Variants in KCNIP4 observed in about 807,000 individuals in gnomAD.
KCNIP4 encodes the protein potassium voltage-gated channel interacting protein 4, also known as Kv channel-interacting protein 4.
KCNIP4 carries 12 observed loss-of-function variants against 34.0 expected under a neutral mutation model. The ratio of observed to expected loss-of-function variants is 0.35; its 90% confidence interval spans 0.23 to 0.57. The LOEUF (loss-of-function observed/expected upper bound fraction) is 0.57, where lower values mean the gene tolerates loss of function less well. Ranked by LOEUF, KCNIP4 falls within the 20% of genes least tolerant of loss-of-function variation. The pLI is 0.83. For missense variants in KCNIP4, 238 were observed against 311.7 expected (o/e 0.76, Z 1.78); for synonymous variants, 124 against 102.2 (o/e 1.21, Z -1.29).
At chr4:21,305,223 C>T (rs1712322983) in intron 1 of KCNIP4, among the ~76,000 whole-genome samples, 1 of 152,128 alleles carries the variant, frequency 6.6e-6, no homozygotes, top group African/African-American at 2.4e-5. Context: ...AGAATGAAGG[C>T]ATCCTTCACT....
chr4:21,634,552 C>T (rs948311779), intron 1 of KCNIP4, among the ~76,000 whole-genome samples: 1 of 151,846 alleles, frequency 6.6e-6, no homozygotes, highest in African/African-American at 2.4e-5. Flanking sequence ...CCACAGTGAA[C>T]ATGATAAAGA....
At chr4:21,030,003 A>G (rs1444757528) in intron 1 of KCNIP4, among the ~76,000 whole-genome samples, 1 of 152,220 alleles carries the variant, frequency 6.6e-6, no homozygotes, top group Non-Finnish European at 1.5e-5. Flanking sequence ...TTAAAAAAAT[A>G]GTTCAGTTGG....
At chr4:20,753,611 G>A (rs900197821) in intron 4 of KCNIP4, among the ~76,000 whole-genome samples, 1 of 152,078 alleles carries the variant, frequency 6.6e-6, no homozygotes, top group Non-Finnish European at 1.5e-5. Context: ...TTGAATTCAA[G>A]CACGAGGAAT....
At chr4:21,817,736 C>A (rs1196679933) in intron 1 of KCNIP4, among the ~76,000 whole-genome samples, 1 of 152,130 alleles carries the variant, frequency 6.6e-6, no homozygotes, top group African/African-American at 2.4e-5. Flanking sequence ...GCAGTACCCT[C>A]AGGCTTACTA....
chr4:21,516,843 G>A (rs191127846), intron 1 of KCNIP4, among the ~76,000 whole-genome samples: 4 of 152,250 alleles, frequency 2.6e-5, no homozygotes, highest in South Asian at 2.1e-4. Flanking sequence ...TTAGGAACAC[G>A]AAATTCTATC....
At chr4:21,770,629 T>G (rs1718716852) in intron 1 of KCNIP4, among the ~76,000 whole-genome samples, 1 of 152,148 alleles carries the variant, frequency 6.6e-6, no homozygotes, top group African/African-American at 2.4e-5. Context: ...TCCTGACTTT[T>G]TAATTACCGC....
chr4:21,037,333 T>C (rs1741541247), intron 1 of KCNIP4, among the ~76,000 whole-genome samples: 1 of 152,194 alleles, frequency 6.6e-6, no homozygotes, highest in South Asian at 2.1e-4. Flanking sequence ...CAACTTCCAG[T>C]CCTGCAAGCT....
chr4:21,850,269 T>C (rs1724292953), intron 1 of KCNIP4: 1 of 152,106 alleles, frequency 6.6e-6, no homozygotes. Flanking sequence ...GAGACACTAA[T>C]GAAAAATGTA....
chr4:21,660,062 C>T (rs1020480829), intron 1 of KCNIP4, among the ~76,000 whole-genome samples: 1 of 152,144 alleles, frequency 6.6e-6, no homozygotes, highest in Non-Finnish European at 1.5e-5. Context: ...GCTCCTATAT[C>T]CTATCTATCA....
intron 1 of KCNIP4, among the ~76,000 whole-genome samples, chr4:21,932,395 A>G (rs1729621065): frequency 2.0e-5 from 3 of 152,120 alleles, no homozygotes; most frequent in Admixed American, 2.0e-4. Flanking sequence ...TGAATAGTTA[A>G]TAAGAGATTG....
rs533682485 is a variant in KCNIP4, at chr4:21,153,026, T to C, written c.62-270317A>G. On this transcript the variant is annotated intron_variant, in intron 1 of 8. Transcript: ENST00000382152. ...ATTTTACAATGGCTGTGAATGGTCA[T>C]CATTGATTCAACTATTCCTTACTTG... Among the ~76,000 whole-genome samples, 10 of 152,320 alleles carry C rather than the reference T, an allele frequency of 6.6e-5. No individual in the cohort carries two copies. In the East Asian group the frequency reaches 1.7e-3, roughly 26 times the overall value.
intron 1 of KCNIP4, among the ~76,000 whole-genome samples, chr4:20,895,695 C>A (rs1366002748): frequency 6.6e-6 from 1 of 152,100 alleles, no homozygotes; most frequent in East Asian, 1.9e-4. Context: ...GTGCCAGGCA[C>A]CCGGGAAGAA....
At chr4:21,364,500 G>A (rs1719526680) in intron 1 of KCNIP4, among the ~76,000 whole-genome samples, 1 of 152,010 alleles carries the variant, frequency 6.6e-6, no homozygotes, top group South Asian at 2.1e-4. Flanking sequence ...CAATAAACAT[G>A]TGTTGGATGA....
chr4:21,524,470 T>C (rs901415987), intron 1 of KCNIP4, among the ~76,000 whole-genome samples: 8 of 152,240 alleles, frequency 5.3e-5, no homozygotes, highest in African/African-American at 1.2e-4. Flanking sequence ...TTCTGACTTA[T>C]GCAATAGCCA....
chr4:21,348,934 C>A (rs184938529), intron 1 of KCNIP4, among the ~76,000 whole-genome samples: 18 of 152,208 alleles, frequency 1.2e-4, no homozygotes, highest in Admixed American at 8.5e-4. Flanking sequence ...TTGGTTGAAG[C>A]TGGCCAGGTG....
chr4:21,241,567 C>T (rs561791820), intron 1 of KCNIP4, among the ~76,000 whole-genome samples: 37 of 152,220 alleles, frequency 2.4e-4, no homozygotes, highest in Admixed American at 2.0e-4. Context: ...AGCCAGCTGA[C>T]GTGAGGAACT....
chr4:21,643,499 T>C (rs1053812011), intron 1 of KCNIP4, among the ~76,000 whole-genome samples: 1 of 152,190 alleles, frequency 6.6e-6, no homozygotes, highest in African/African-American at 2.4e-5. Context: ...TGATGGTTAA[T>C]TTTATATGTT....
intron 1 of KCNIP4, among the ~76,000 whole-genome samples, chr4:21,224,670 T>G (rs1758241193): frequency 7.8e-6 from 1 of 128,070 alleles, no homozygotes; most frequent in African/African-American, 2.9e-5. Flanking sequence ...CACTGCAGCC[T>G]CCACCTCCTG....
At chr4:20,920,821 C>T (rs1334106806) in intron 1 of KCNIP4, among the ~76,000 whole-genome samples, 1 of 152,070 alleles carries the variant, frequency 6.6e-6, no homozygotes, top group African/African-American at 2.4e-5. Context: ...GAAACCCTGT[C>T]TTTACTAAAA....
Sources: allele counts gnomAD v4.1 joint callset (sites outside exome capture counted in the v4.1 genomes callset), GRCh38; gene constraint gnomAD v4.1.1; transcripts MANE v1.5; gene names NCBI Gene and HGNC (gene_info 2026-07-23, HGNC 2026-07-21).